PCDHA9: variants seen among roughly 807,000 people sequenced by gnomAD.
PCDHA9 encodes protocadherin alpha-9.
Under a neutral mutation model 62.0 loss-of-function variants are expected in PCDHA9, and 62 were observed. The ratio of observed to expected loss-of-function variants is 1.00; its 90% confidence interval spans 0.81 to 1.23. PCDHA9 has a LOEUF of 1.23. Ranked by LOEUF, PCDHA9 falls within the 50% of genes most tolerant of loss-of-function variation. PCDHA9 has a pLI of 0.00. For missense variants in PCDHA9, 1,205 were observed against 1,249.8 expected, an observed-to-expected ratio of 0.96 and a Z score of 0.54; for synonymous variants, 557 against 567.6, an observed-to-expected ratio of 0.98 and a Z score of 0.27.
chr5:140,937,728 C>T (rs1180728000), intron 1 of PCDHA9, among the ~76,000 whole-genome samples: 4 of 151,954 alleles, frequency 2.6e-5, no homozygotes, highest in African/African-American at 7.2e-5. Flanking sequence ...CTGGCTAACA[C>T]GGTGAAACCC....
intron 1 of PCDHA9, chr5:140,927,725 C>T (rs782731204): frequency 1.2e-6 from 2 of 1,614,202 alleles, no homozygotes; most frequent in South Asian, 2.2e-5. Flanking sequence ...AGCACGCAAG[C>T]AGAGCTGCGA....
At chr5:140,919,387 G>A (rs180927321) in intron 1 of PCDHA9, among the ~76,000 whole-genome samples, 420 of 152,292 alleles carry the variant, frequency 2.8e-3, no homozygotes, top group Middle Eastern at 6.8e-3. Context: ...ATAGTTGGAT[G>A]TTGTTTTCCT....
intron 1 of PCDHA9, chr5:140,852,034 G>A (rs1233314142): frequency 2.1e-6 from 2 of 935,712 alleles, no homozygotes; most frequent in Non-Finnish European, 2.6e-6. Flanking sequence ...CGCTTATTGA[G>A]TTTTTGTTAT....
intron 1 of PCDHA9, chr5:140,870,060 A>G (rs2051623081): frequency 6.2e-7 from 1 of 1,613,776 alleles, no homozygotes; most frequent in African/African-American, 1.3e-5. Flanking sequence ...AAATTGAAGT[A>G]CAGGCTACAG....
chr5:140,927,587 T>A, intron 1 of PCDHA9: 18 of 1,614,162 alleles, frequency 1.1e-5, no homozygotes, highest in Non-Finnish European at 1.5e-5. Context: ...AACGCGCCTG[T>A]ATTTGAGCGC....
rs2150422696 is a variant in PCDHA9, at chr5:140,848,855, C to T, written c.360C>T (p.Asp120=). The T allele has an allele frequency of 3.8e-6, 6 of 1,590,444 alleles. No individual in the cohort carries two copies. Among genetic ancestry groups the T allele is most frequent in the Non-Finnish European group, 5.2e-6 (6 of 1,162,102 alleles). The change falls in exon 1 of 4, where the codon GAC becomes GAT. Residue 120 remains aspartate, a synonymous_variant. Coordinates refer to ENST00000532602, the MANE Select transcript of PCDHA9 (RefSeq NM_031857.2). ...VDRPLQVFHV[D]VEVKDINDNP... is the part of the protein sequence containing the mutation. ...GGCCGCTGCAGGTTTTCCATGTGGA[C>T]GTGGAGGTGAAGGACATTAACGACA...
At chr5:140,920,868 T>C (rs1248971730) in intron 1 of PCDHA9, among the ~76,000 whole-genome samples, 4 of 149,716 alleles carry the variant, frequency 2.7e-5, no homozygotes, top group Non-Finnish European at 1.5e-5. Context: ...ACAAACAAAC[T>C]GTGGCCCTTA....
chr5:140,975,016 G>T (rs782435284), intron 1 of PCDHA9, among the ~76,000 whole-genome samples: 6 of 152,128 alleles, frequency 3.9e-5, no homozygotes, highest in Non-Finnish European at 8.8e-5. Context: ...AACACAGCTG[G>T]GCTGTGTTGT....
At chr5:140,981,601 T>C (rs2096939953) in intron 2 of PCDHA9, among the ~76,000 whole-genome samples, 1 of 152,086 alleles carries the variant, frequency 6.6e-6, no homozygotes, top group Non-Finnish European at 1.5e-5. Flanking sequence ...AACAAAATGT[T>C]CCTCTAATTT....
chr5:140,877,488 C>A lies in PCDHA9; in HGVS notation c.2394+26599C>A, dbSNP rs781785108. On this transcript the variant is annotated intron_variant, in intron 1 of 3. Coordinates refer to ENST00000532602, the MANE Select transcript of PCDHA9 (RefSeq NM_031857.2). ...CGGTGCTGGTGTCGCTGGTGGAGAACGGCCAGGCCCCAAAGACGTCGTCGC... is the reference window on the plus strand; with the variant it reads ...CGGTGCTGGTGTCGCTGGTGGAGAAAGGCCAGGCCCCAAAGACGTCGTCGC... The A allele has an allele frequency of 2.5e-6, 4 of 1,613,736 alleles. No individual in the cohort carries two copies. The African/African-American group carries it at 5.3e-5, about 22-fold the overall frequency.
chr5:140,965,834 G>T (rs1018708290), intron 1 of PCDHA9, among the ~76,000 whole-genome samples: 1 of 152,128 alleles, frequency 6.6e-6, no homozygotes, highest in Admixed American at 6.5e-5. Context: ...TTAAATATTG[G>T]TTATTTGCCA....
chr5:140,977,844 G>A (rs2096777589), intron 1 of PCDHA9, among the ~76,000 whole-genome samples: 1 of 152,136 alleles, frequency 6.6e-6, no homozygotes, highest in Admixed American at 6.5e-5. Context: ...TATTACTATG[G>A]CTTTGTTTCT....
intron 1 of PCDHA9, chr5:140,870,834 C>G: frequency 6.2e-7 from 1 of 1,613,806 alleles, no homozygotes; most frequent in Non-Finnish European, 8.5e-7. Context: ...GCGCAGTTAA[C>G]AAGCTAGTAC....
chr5:140,978,246 C>T (rs1243560833), intron 1 of PCDHA9, among the ~76,000 whole-genome samples: 1 of 152,148 alleles, frequency 6.6e-6, no homozygotes, highest in Non-Finnish European at 1.5e-5. Flanking sequence ...TCAGCTACTC[C>T]CTGTTAAACA....
intron 1 of PCDHA9, among the ~76,000 whole-genome samples, chr5:140,885,454 C>T (rs2060601415): frequency 6.6e-6 from 1 of 152,054 alleles, no homozygotes; most frequent in Admixed American, 6.5e-5. Flanking sequence ...TATTATTTAC[C>T]TAATGATGGG....
chr5:140,993,943 A>C (rs1055382423), intron 3 of PCDHA9, among the ~76,000 whole-genome samples: 1 of 152,220 alleles, frequency 6.6e-6, no homozygotes, highest in Admixed American at 6.5e-5. Flanking sequence ...CCCCATTGTT[A>C]AGTGATACAT....
At chr5:140,873,449 T>G (rs565390619) in intron 1 of PCDHA9, among the ~76,000 whole-genome samples, 1 of 152,310 alleles carries the variant, frequency 6.6e-6, no homozygotes, top group Non-Finnish European at 1.5e-5. Flanking sequence ...AATAACAAAT[T>G]TGCATTTTAG....
intron 1 of PCDHA9, chr5:140,856,146 C>T: frequency 6.3e-7 from 1 of 1,598,308 alleles, no homozygotes; most frequent in Middle Eastern, 1.7e-4. Flanking sequence ...CTCCACTACT[C>T]AGTCTACGAG....
rs894945353 is a variant in PCDHA9 at position 140,936,140 on chromosome 5, G to A, written c.2395-42809G>A. ...ACTCCTGACCTTAAGTGATCTGCCC[G>A]CCTTGGCCTCCTAAAGTGCTGGGAT... is the stretch of plus-strand genomic sequence containing the variant. On this transcript the variant is annotated intron_variant, in intron 1 of 3. Coordinates refer to ENST00000532602, the MANE Select transcript of PCDHA9 (RefSeq NM_031857.2). 7.2e-5 allele frequency among the ~76,000 whole-genome samples: 11 copies of A among 152,050 alleles called. 1 individual carries two copies. The highest frequency in any genetic ancestry group is 6.6e-4 in the Admixed American group (10 of 15,256).
Sources: allele counts gnomAD v4.1 joint callset (sites outside exome capture counted in the v4.1 genomes callset), GRCh38; gene constraint gnomAD v4.1.1; transcripts MANE v1.5; gene names NCBI Gene and HGNC (gene_info 2026-07-23, HGNC 2026-07-21).